VCAN: variants seen among roughly 807,000 people sequenced by gnomAD.
VCAN encodes the protein versican core protein.
In VCAN, 44 loss-of-function variants were observed where a neutral mutation model predicts 245.5. The ratio of observed to expected loss-of-function variants is 0.18; its 90% CI spans 0.14 to 0.23. The LOEUF (loss-of-function observed/expected upper bound fraction) is 0.23. VCAN is among the 10% of genes least tolerant of loss of function. The pLI, the probability that VCAN is intolerant of heterozygous loss-of-function variation, is 1.00. For missense variants in VCAN, 3,793 were observed against 4,057.9 expected (o/e 0.93, Z 1.77); for synonymous variants, 1,413 against 1,437.0 (o/e 0.98, Z 0.38).
chr5:83,491,192 A>G (rs1168385726), intron 3 of VCAN, among the ~76,000 whole-genome samples: 1 of 152,204 alleles, frequency 6.6e-6, no homozygotes, highest in Non-Finnish European at 1.5e-5. Flanking sequence ...AGACAAAGCA[A>G]AGAAAAATTG....
intron 5 of VCAN, among the ~76,000 whole-genome samples, chr5:83,499,341 A>G (rs1745260247): frequency 6.6e-6 from 1 of 152,126 alleles, no homozygotes; most frequent in Non-Finnish European, 1.5e-5. Flanking sequence ...AAACTTCTAT[A>G]TGTTTCCCAA....
chr5:83,509,541 T>TTA (rs1211132119), intron 5 of VCAN, among the ~76,000 whole-genome samples: 1 of 152,212 alleles, frequency 6.6e-6, no homozygotes, highest in African/African-American at 2.4e-5. Flanking sequence ...ACTCAATTAA[T>TTA]TATATTTCTT....
chr5:83,561,316 T>A (rs554146734), intron 12 of VCAN, among the ~76,000 whole-genome samples: 1 of 152,084 alleles, frequency 6.6e-6, no homozygotes, highest in African/African-American at 2.4e-5. Context: ...TTCATAAATA[T>A]CTTATTTTCT....
intron 7 of VCAN, among the ~76,000 whole-genome samples, chr5:83,522,913 A>G (rs1746161853): frequency 6.6e-6 from 1 of 152,214 alleles, no homozygotes; most frequent in African/African-American, 2.4e-5. Context: ...TTATCTATTT[A>G]GAGCAAGTAC....
At position 83,580,929 on chromosome 5, in the gene VCAN, C is replaced by T; in HGVS notation, c.*495C>T. The T allele has an allele frequency of 5.0e-6, 1 of 200,872 alleles. No homozygotes were observed. The highest frequency in any genetic ancestry group is 8.7e-5 in the South Asian group (1 of 11,518). The allele number at this position is 200,872 out of a possible 1,614,324, so 12.4% of individuals were successfully genotyped here. On this transcript the variant is annotated 3_prime_UTR_variant, in exon 15 of 15. Transcript: ENST00000265077. ...TAGGCTGGAAATGGTTTCACTTGCT[C>T]TTTGACTGTCAGCAAGACTGAAGAT...
rs1178299881 is a variant in VCAN at position 83,520,060 on chromosome 5, C to T, written c.1754C>T (p.Thr585Ile). Residue 585 changes from threonine (T) to isoleucine (I), a missense_variant, in exon 7 of 15, where the codon ACT (threonine) becomes ATT (isoleucine). By Grantham distance (89) the Thr-to-Ile change is moderately conservative (BLOSUM62 -1). Transcript: ENST00000265077. Reference protein sequence around the residue: ...QIPEVITVSKTSEDTIHTHLE... With the variant: ...QIPEVITVSKISEDTIHTHLE... ...CCTGAAGTCATTACGGTGTCAAAGA[C>T]TTCAGAAGACACCATCCACACTCAT... 3 of 1,613,988 alleles carry T rather than the reference C, an allele frequency of 1.9e-6. No homozygotes were observed. The highest frequency in any genetic ancestry group is 1.3e-5 in the African/African-American group (1 of 74,930).
Position 83,520,100 on chromosome 5 carries a change from G to A in VCAN, c.1794G>A (p.Glu598=), listed in dbSNP as rs760822691. Residue 598 remains glutamate, a synonymous_variant, in exon 7 of 15, where the codon GAG becomes GAA. Transcript: ENST00000265077. ...TCCACACTCATTTAGAAGACTTGGA[G>A]TCAGTCTCAGCATCCACAACTGTTT... The part of the protein sequence containing the change: ...DTIHTHLEDL[E]SVSASTTVSP... 1 of 1,614,072 alleles carries A rather than the reference G, an allele frequency of 6.2e-7. No homozygotes were observed.
Position 83,540,668 on chromosome 5 carries a change from A to G in VCAN, c.7665A>G (p.Ile2555Met). 1 of 1,614,038 alleles carries G rather than the reference A, an allele frequency of 6.2e-7. No homozygotes were observed. Residue 2555 changes from isoleucine (I) to methionine (M), a missense_variant, in exon 8 of 15, where the codon ATA becomes ATG. Ile to Met is a conservative substitution (Grantham distance 10). Around this residue, in one of 5 missense-constraint regions of VCAN, gnomAD observed 3,182 missense variants for 3,250.3 expected, o/e 0.98. Coordinates refer to ENST00000265077, the MANE Select transcript of VCAN (RefSeq NM_004385.5). ...IDLDKEDKDL[I>M]LTITESTILE... The stretch of plus-strand genomic sequence containing the variant: ...TGGACAAAGAGGACAAGGATTTAAT[A>G]TTGACAATTACAGAGAGTACCATCC...
rs552384072 is a variant in VCAN, at chr5:83,491,619, G to T, written c.445+1147G>T. On this transcript the variant is annotated intron_variant, in intron 3 of 14. Coordinates refer to ENST00000265077, the MANE Select transcript of VCAN (RefSeq NM_004385.5). Reference sequence around the variant, plus strand: ...GTATCACTTTTTAAAATCCCCAAAGGAGTTTAACAACTTCTTACCATTTTT... The same window carrying T: ...GTATCACTTTTTAAAATCCCCAAAGTAGTTTAACAACTTCTTACCATTTTT... Among the ~76,000 whole-genome samples the T allele has an allele frequency of 1.3e-4, 20 of 152,036 alleles. No homozygotes were observed. In the South Asian group the frequency reaches 2.1e-3, roughly 16 times the overall value.
intron 8 of VCAN, 97 bp downstream of exon 8, chr5:83,542,365 C>T: frequency 7.7e-7 from 1 of 1,294,270 alleles, no homozygotes; most frequent in Non-Finnish European, 1.1e-6. Context: ...GATGTTAAAT[C>T]AATGGAGAGT....
Position 83,471,981 on chromosome 5 carries a change from G to A in VCAN, c.-49G>A, listed in dbSNP as rs907479327. 1.3e-5 allele frequency: 5 copies of A among 385,928 alleles called. No homozygotes were observed. Among genetic ancestry groups the A allele is most frequent in the African/African-American group, 4.1e-5 (2 of 48,336 alleles). The allele number at this position is 385,928 out of a possible 1,614,324, so 23.9% of individuals were successfully genotyped here. A position where few individuals can be genotyped will look rare whatever the true frequency, so the allele number is the denominator to read the frequency against. Reference sequence around the variant, plus strand: ...ACGCCGAACCCAGTCGCGCAGCGCTGCAGTGAATTTTCCCCCCAAACTGCA... The same window carrying A: ...ACGCCGAACCCAGTCGCGCAGCGCTACAGTGAATTTTCCCCCCAAACTGCA... On this transcript the variant is annotated 5_prime_UTR_variant, in exon 1 of 15. Transcript: ENST00000265077.
At chr5:83,570,147 C>G (rs1748236185) in intron 12 of VCAN, among the ~76,000 whole-genome samples, 1 of 152,076 alleles carries the variant, frequency 6.6e-6, no homozygotes, top group Admixed American at 6.6e-5. Flanking sequence ...CCTTGAGCAT[C>G]TTTTCCAGGC....
chr5:83,489,962 AT>A, intron 2 of VCAN, 135 bp from the exon 3 acceptor site: 1 of 855,428 alleles, frequency 1.2e-6, no homozygotes, highest in South Asian at 1.7e-5. Context: ...TTCTCTTTAT[AT>A]AAAGTCATTC....
intron 13 of VCAN, among the ~76,000 whole-genome samples, chr5:83,578,142 G>A (rs1050590215): frequency 2.6e-5 from 4 of 152,016 alleles, no homozygotes; most frequent in Non-Finnish European, 2.9e-5. Context: ...CATGGAATAC[G>A]ATGCAGCCAT....
At chr5:83,563,272 A>G (rs1580070895) in intron 12 of VCAN, among the ~76,000 whole-genome samples, 1 of 152,348 alleles carries the variant, frequency 6.6e-6, no homozygotes, top group East Asian at 1.9e-4. Flanking sequence ...ACTAACCTTA[A>G]GCAAGTACAA....
rs148104757 is a variant in VCAN at position 83,520,237 on chromosome 5, C to T, written c.1931C>T (p.Pro644Leu). 1,349 of 1,613,884 alleles carry T rather than the reference C, an allele frequency of 8.4e-4. 1 individual carries two copies. The highest frequency in any genetic ancestry group is 1.1e-3 in the Non-Finnish European group (1,288 of 1,179,958). Residue 644 changes from proline (P) to leucine (L), a missense_variant, in exon 7 of 15, where the codon CCT becomes CTT. Pro to Leu is a moderately conservative substitution (Grantham distance 98, BLOSUM62 -3). Transcript: ENST00000265077. Reference protein sequence around the residue: ...EFLGKYLSTTPFPSQHRTEIE... With the variant: ...EFLGKYLSTTLFPSQHRTEIE... ...CTTGGCAAATATCTGTCTACTACACCTTTTCCATCACAGCATCGTACAGAA... is the reference window on the plus strand; with the variant it reads ...CTTGGCAAATATCTGTCTACTACACTTTTTCCATCACAGCATCGTACAGAA...
chr5:83,516,268 A>T (rs1266781819), intron 6 of VCAN, among the ~76,000 whole-genome samples: 1 of 152,102 alleles, frequency 6.6e-6, no homozygotes, highest in Admixed American at 6.5e-5. Flanking sequence ...TGGACTACAG[A>T]GCAAGACTCT....
Position 83,538,741 on chromosome 5 carries a change from G to C in VCAN, c.5738G>C (p.Gly1913Ala). 1 of 1,614,058 alleles carries C rather than the reference G, an allele frequency of 6.2e-7. No individual in the cohort carries two copies. Among genetic ancestry groups the C allele is most frequent in the Non-Finnish European group, 8.5e-7 (1 of 1,179,972 alleles). ...GAAATAGTGATTTCAGAGCGATTAG[G>C]AGAACCAAATTATGGGGCAGAAATA... ...SREIVISERL[G>A]EPNYGAEIRG... Residue 1913 changes from glycine to alanine, a missense_variant, in exon 8 of 15, where the codon GGA becomes GCA. By Grantham distance (60) the Gly-to-Ala change is moderately conservative. Transcript: ENST00000265077.
In VCAN at chr5:83,545,647, C is replaced by T. The variant is rs780477683; in HGVS notation, c.9376C>T (p.Leu3126Phe). The change falls in exon 9 of 15, where the codon CTT becomes TTT. Residue 3126 changes from leucine (L) to phenylalanine (F), a missense_variant. This residue lies in a region of VCAN where 205 missense variants were observed against 321.1 expected (regional missense o/e 0.64). Coordinates refer to ENST00000265077, the MANE Select transcript of VCAN (RefSeq NM_004385.5). ...AGGATACAGCGGAGACCAGTGTGAACTTGGTAAGATGGTACTTGGCTGAAA... is the reference window on the plus strand; with the variant it reads ...AGGATACAGCGGAGACCAGTGTGAATTTGGTAAGATGGTACTTGGCTGAAA... ...VPGYSGDQCELDFDECHSNPC... is the reference protein window; with the variant it reads ...VPGYSGDQCEFDFDECHSNPC... 5.6e-6 allele frequency: 9 copies of T among 1,613,048 alleles called. No individual in the cohort carries two copies. The highest frequency in any genetic ancestry group is 2.2e-5 in the East Asian group (1 of 44,858).
Sources: gnomAD v4.1 joint callset for allele counts (sites outside exome capture counted in the v4.1 genomes callset) on GRCh38, gnomAD v4.1.1 for gene constraint, gnomAD v4.1.1 regional missense constraint, MANE v1.5 for transcripts, NCBI Gene and HGNC (gene_info 2026-07-23, HGNC 2026-07-21) for gene names.